The following PRKN variants were observed in gnomAD, a reference collection of about 807,000 sequenced individuals.
PRKN encodes the protein E3 ubiquitin-protein ligase parkin.
In PRKN, 56 loss-of-function variants were observed where a neutral mutation model predicts 59.5. The ratio of observed to expected loss-of-function variants is 0.94; its 90% CI spans 0.76 to 1.18. PRKN has a LOEUF of 1.18. Among genes scored for constraint, PRKN ranks in the 50% most tolerant of loss-of-function variants. The pLI, the probability that PRKN is intolerant of heterozygous loss-of-function variation, is 0.00. For missense variants in PRKN, 657 were observed against 596.4 expected (o/e 1.10, Z -1.06); for synonymous variants, 250 against 222.1 (o/e 1.13, Z -1.12).
chr6:162,237,619 G>T, intron 3 of PRKN, among the ~76,000 whole-genome samples: 1 of 152,100 alleles, frequency 6.6e-6, no homozygotes, highest in East Asian at 1.9e-4. Context: ...CAAAAAGAAG[G>T]TGGAGAAAGG....
chr6:162,630,449 A>G (rs1431752707), intron 1 of PRKN, among the ~76,000 whole-genome samples: 1 of 152,158 alleles, frequency 6.6e-6, no homozygotes, highest in Non-Finnish European at 1.5e-5. Flanking sequence ...ACAAGCAGCC[A>G]TCGACATTAA....
At chr6:162,140,830 G>C (rs1781746982) in intron 4 of PRKN, among the ~76,000 whole-genome samples, 1 of 152,112 alleles carries the variant, frequency 6.6e-6, no homozygotes, top group African/African-American at 2.4e-5. Context: ...CAGGAAGACT[G>C]TAAGATTATT....
At chr6:162,630,729 T>A (rs768095179) in intron 1 of PRKN, among the ~76,000 whole-genome samples, 3 of 152,234 alleles carry the variant, frequency 2.0e-5, no homozygotes, top group Non-Finnish European at 2.9e-5. Flanking sequence ...TTTGTCCACA[T>A]CTTCCCTTTC....
At chr6:162,450,381 C>CGCCCCTGTGAATGTAAACG (rs375003698) in intron 1 of PRKN, among the ~76,000 whole-genome samples, 47 of 96,558 alleles carry the variant, frequency 4.9e-4, no homozygotes, top group African/African-American at 1.6e-3. Context: ...TGATTGTAAT[C>CGCCCCTGTGAATGTAAACG]CCCCTGTGAA....
intron 6 of PRKN, among the ~76,000 whole-genome samples, chr6:161,805,199 T>C (rs551392923): frequency 3.0e-4 from 45 of 152,304 alleles, no homozygotes; most frequent in Admixed American, 7.8e-4. Flanking sequence ...GCTGGTATGT[T>C]AAAAATCATC....
Position 161,816,428 on chromosome 6 carries a change from C to A in PRKN, c.735-30520G>T, listed in dbSNP as rs142124063. Among the ~76,000 whole-genome samples the A allele has an allele frequency of 2.9e-3, 446 of 152,222 alleles. 1 individual carries two copies. Among genetic ancestry groups the A allele is most frequent in the African/African-American group, 0.01 (416 of 41,530 alleles). ...ATTGTGGGGGTGATGGGTTCACTGACTGTGATAGTGGTCTTACCGGTGTAT... is the reference window on the plus strand; with the variant it reads ...ATTGTGGGGGTGATGGGTTCACTGAATGTGATAGTGGTCTTACCGGTGTAT... On this transcript the variant is annotated intron_variant, in intron 6 of 11. Coordinates refer to ENST00000366898, the MANE Select transcript of PRKN (RefSeq NM_004562.3).
At chr6:162,444,737 C>A (rs4709609) in intron 1 of PRKN, among the ~76,000 whole-genome samples, 62 of 152,044 alleles carry the variant, frequency 4.1e-4, no homozygotes, top group Admixed American at 9.2e-4. Context: ...GGATAGCACA[C>A]GGGTTAAAAG....
rs77632473 is a variant in PRKN at position 162,218,270 on chromosome 6, C to G, written c.413-17018G>C. On this transcript the variant is annotated intron_variant, in intron 3 of 11. Coordinates refer to ENST00000366898, the MANE Select transcript of PRKN (RefSeq NM_004562.3). ...AGCAGGAATGATGGTGGTGGCTCAG[C>G]AGGGGTGGAGAACTCCTGTGTGCAG... Among the ~76,000 whole-genome samples the G allele has an allele frequency of 1.1e-3, 162 of 152,300 alleles. 5 individuals carry two copies. In the East Asian group the frequency reaches 0.026, roughly 25 times the overall value.
At chr6:161,558,990 T>C (rs1451550138) in intron 8 of PRKN, among the ~76,000 whole-genome samples, 1 of 112,818 alleles carries the variant, frequency 8.9e-6, no homozygotes, top group East Asian at 2.4e-4. Context: ...GTTAATTGCA[T>C]AGAAAAAACT....
chr6:162,471,178 A>T (rs1180664438), intron 1 of PRKN, among the ~76,000 whole-genome samples: 1 of 151,972 alleles, frequency 6.6e-6, no homozygotes, highest in African/African-American at 2.4e-5. Flanking sequence ...GCTCACCGCA[A>T]CATCCACCTC....
At chr6:162,032,067 G>C (rs1188670342) in intron 5 of PRKN, among the ~76,000 whole-genome samples, 1 of 152,034 alleles carries the variant, frequency 6.6e-6, no homozygotes, top group Non-Finnish European at 1.5e-5. Flanking sequence ...ATATTATCTG[G>C]CTCATAACAG....
chr6:162,554,016 G>A (rs1360076518), intron 1 of PRKN, among the ~76,000 whole-genome samples: 4 of 152,132 alleles, frequency 2.6e-5, no homozygotes, highest in Admixed American at 1.3e-4. Flanking sequence ...TGCAAGCACC[G>A]CAGCTGTCGC....
chr6:162,512,427 T>A (rs73608436), intron 1 of PRKN, among the ~76,000 whole-genome samples: 4 of 152,192 alleles, frequency 2.6e-5, no homozygotes, highest in Non-Finnish European at 5.9e-5. Context: ...ATTACCAGCA[T>A]GCAACTCACA....
At chr6:162,719,990 C>T (rs1441169689) in intron 1 of PRKN, among the ~76,000 whole-genome samples, 1 of 151,794 alleles carries the variant, frequency 6.6e-6, no homozygotes, top group Non-Finnish European at 1.5e-5. Flanking sequence ...TTAATACGAG[C>T]AAGTTTCAGG....
At chr6:162,488,885 A>C (rs1016375701) in intron 1 of PRKN, among the ~76,000 whole-genome samples, 1 of 152,170 alleles carries the variant, frequency 6.6e-6, no homozygotes, top group African/African-American at 2.4e-5. Flanking sequence ...AATATTTAAT[A>C]ATCATGCAAA....
chr6:162,312,522 C>A (rs190060843), intron 2 of PRKN, among the ~76,000 whole-genome samples: 1 of 152,086 alleles, frequency 6.6e-6, no homozygotes, highest in African/African-American at 2.4e-5. Flanking sequence ...CTGACCCAGG[C>A]GATACAACAC....
intron 7 of PRKN, among the ~76,000 whole-genome samples, chr6:161,710,657 T>C (rs1257431085): frequency 1.3e-5 from 2 of 152,200 alleles, no homozygotes; most frequent in East Asian, 1.9e-4. Flanking sequence ...AGAACTGTTC[T>C]AGGCCATCTG....
chr6:162,196,916 C>A (rs1043540567), intron 4 of PRKN, among the ~76,000 whole-genome samples: 1 of 152,104 alleles, frequency 6.6e-6, no homozygotes, highest in South Asian at 2.1e-4. Flanking sequence ...CATTTAGACT[C>A]ATGATATGAG....
chr6:162,451,832 C>T (rs1021596038), intron 1 of PRKN, among the ~76,000 whole-genome samples: 2 of 151,796 alleles, frequency 1.3e-5, no homozygotes, highest in Non-Finnish European at 1.5e-5. Flanking sequence ...AAAAATAATG[C>T]CCTCAAATTT....
Sources: gnomAD v4.1 joint callset for allele counts (sites outside exome capture counted in the v4.1 genomes callset) on GRCh38, gnomAD v4.1.1 for gene constraint, MANE v1.5 for transcripts, NCBI Gene and HGNC (gene_info 2026-07-23, HGNC 2026-07-21) for gene names.